CADM2: variants seen among roughly 807,000 people sequenced by gnomAD.
CADM2 encodes the protein cell adhesion molecule 2.
CADM2 carries 12 observed loss-of-function variants against 49.8 expected under a neutral mutation model. The ratio of observed to expected loss-of-function variants is 0.24; its 90% CI spans 0.15 to 0.39. The LOEUF (loss-of-function observed/expected upper bound fraction) is 0.39. Ranked by LOEUF, CADM2 falls within the 10% of genes least tolerant of loss-of-function variation. The pLI is 1.00. For synonymous variants in CADM2, 214 were observed against 175.4 expected, an observed-to-expected ratio of 1.22 and a Z score of -1.74; for missense variants, 378 against 492.3, an observed-to-expected ratio of 0.77 and a Z score of 2.20.
rs574962974 is a variant in CADM2 at position 85,775,395 on chromosome 3, G to A, written c.89-26652G>A. On this transcript the variant is annotated intron_variant, in intron 2 of 9. Coordinates refer to ENST00000383699, the MANE Select transcript of CADM2 (RefSeq NM_001167675.2). ...TGATATCATCAGTTGTATTAATGCAGGAATTAATACTATAATCACTATATT... is the reference window on the plus strand; with the variant it reads ...TGATATCATCAGTTGTATTAATGCAAGAATTAATACTATAATCACTATATT... Among the ~76,000 whole-genome samples, 9 of 151,630 alleles carry A rather than the reference G, an allele frequency of 5.9e-5. No individual in the cohort carries two copies. In the East Asian group the frequency reaches 1.7e-3, roughly 29 times the overall value.
At chr3:85,371,403 G>C (rs2033213820) in intron 1 of CADM2, among the ~76,000 whole-genome samples, 1 of 151,902 alleles carries the variant, frequency 6.6e-6, no homozygotes, top group African/African-American at 2.4e-5. Context: ...ATACCATTGT[G>C]CTGCAACTAC....
intron 1 of CADM2, among the ~76,000 whole-genome samples, chr3:85,564,921 TAAA>T (rs1441432917): frequency 6.6e-6 from 1 of 152,090 alleles, no homozygotes; most frequent in Non-Finnish European, 1.5e-5. Context: ...TGGAAGATTA[TAAA>T]AACTTCAGCA....
chr3:85,329,442 C>A (rs2044850967), intron 1 of CADM2, among the ~76,000 whole-genome samples: 1 of 151,806 alleles, frequency 6.6e-6, no homozygotes, highest in South Asian at 2.1e-4. Flanking sequence ...TGGTGGTGCA[C>A]ACCTGTAATC....
intron 8 of CADM2, among the ~76,000 whole-genome samples, chr3:86,002,822 A>C (rs1017339666): frequency 6.6e-6 from 1 of 152,182 alleles, no homozygotes; most frequent in African/African-American, 2.4e-5. Context: ...AATTTTATGG[A>C]TACCTCGTTC....
intron 1 of CADM2, among the ~76,000 whole-genome samples, chr3:84,965,895 T>C (rs1459237127): frequency 6.6e-6 from 1 of 152,228 alleles, no homozygotes; most frequent in African/African-American, 2.4e-5. Context: ...GAATGTTTCC[T>C]ATCTGCACAA....
intron 2 of CADM2, among the ~76,000 whole-genome samples, chr3:85,788,739 T>A (rs1559657861): frequency 6.6e-6 from 1 of 151,974 alleles, no homozygotes; most frequent in Non-Finnish European, 1.5e-5. Flanking sequence ...AGTCCTAGTA[T>A]CTTCTCAATT....
chr3:85,262,254 G>T lies in CADM2; in HGVS notation c.61+302586G>T, dbSNP rs140792841. On this transcript the variant is annotated intron_variant, in intron 1 of 9. Transcript: ENST00000383699. ...ATTAGGCATTTTAACCCAATTTCAGGATTTTAATTTTATTCATATTACATA... is the reference window on the plus strand; with the variant it reads ...ATTAGGCATTTTAACCCAATTTCAGTATTTTAATTTTATTCATATTACATA... 5.2e-3 allele frequency among the ~76,000 whole-genome samples: 790 copies of T among 152,096 alleles called. 5 individuals carry two copies. The highest frequency in any genetic ancestry group is 8.2e-3 in the Non-Finnish European group (555 of 67,954).
At chr3:85,916,411 A>G (rs2108491597) in intron 6 of CADM2, among the ~76,000 whole-genome samples, 1 of 147,050 alleles carries the variant, frequency 6.8e-6, no homozygotes, top group South Asian at 2.1e-4. Flanking sequence ...TATGAGTGAG[A>G]ACATGCAGTG....
At chr3:85,359,618 T>C (rs1343951980) in intron 1 of CADM2, among the ~76,000 whole-genome samples, 1 of 109,656 alleles carries the variant, frequency 9.1e-6, no homozygotes, top group Non-Finnish European at 1.8e-5. Flanking sequence ...TGATTATTTT[T>C]ATTCCAGGCC....
intron 3 of CADM2, among the ~76,000 whole-genome samples, chr3:85,818,129 G>A (rs1357855483): frequency 6.6e-6 from 1 of 152,036 alleles, no homozygotes; most frequent in African/African-American, 2.4e-5. Context: ...AAGACCCTGT[G>A]TTCTTAGTGC....
At chr3:85,616,702 C>G (rs1157313480) in intron 1 of CADM2, among the ~76,000 whole-genome samples, 1 of 151,960 alleles carries the variant, frequency 6.6e-6, no homozygotes, top group East Asian at 1.9e-4. Context: ...TAAATTATAG[C>G]AAGTTGTGTG....
intron 2 of CADM2, among the ~76,000 whole-genome samples, chr3:85,782,672 A>G (rs2070730813): frequency 6.6e-6 from 1 of 151,878 alleles, no homozygotes; most frequent in African/African-American, 2.4e-5. Flanking sequence ...AAAAAAGAAA[A>G]AAAAAAGAAA....
At chr3:85,986,356 T>A (rs1461322984) in intron 8 of CADM2, among the ~76,000 whole-genome samples, 1 of 152,058 alleles carries the variant, frequency 6.6e-6, no homozygotes, top group Non-Finnish European at 1.5e-5. Flanking sequence ...AATAGAACAT[T>A]TGGAGTAGTA....
chr3:85,023,183 G>T (rs1023269362), intron 1 of CADM2, among the ~76,000 whole-genome samples: 1 of 152,042 alleles, frequency 6.6e-6, no homozygotes, highest in African/African-American at 2.4e-5. Context: ...ACATGCCAAA[G>T]ATTTTACTTA....
At chr3:85,225,857 A>G (rs2042148231) in intron 1 of CADM2, among the ~76,000 whole-genome samples, 2 of 152,118 alleles carry the variant, frequency 1.3e-5, no homozygotes, top group African/African-American at 2.4e-5. Flanking sequence ...TATTGAGTTA[A>G]TCATGTGGTT....
intron 1 of CADM2, among the ~76,000 whole-genome samples, chr3:85,530,914 A>ACACACACAC (rs1559890350): frequency 3.1e-5 from 4 of 127,380 alleles, no homozygotes; most frequent in Non-Finnish European, 6.2e-5. Flanking sequence ...ACACACACAC[A>ACACACACAC]AAATTCATTA....
intron 1 of CADM2, among the ~76,000 whole-genome samples, chr3:85,014,494 G>A (rs957315935): frequency 2.3e-4 from 35 of 152,220 alleles, no homozygotes; most frequent in African/African-American, 7.9e-4. Flanking sequence ...AGTATACATA[G>A]CATTTGGTAC....
intron 1 of CADM2, among the ~76,000 whole-genome samples, chr3:85,329,670 A>C (rs2044859141): frequency 6.6e-6 from 1 of 152,248 alleles, no homozygotes; most frequent in Non-Finnish European, 1.5e-5. Context: ...GTGTGTATAA[A>C]GTAAGTATGT....
chr3:85,115,926 A>G (rs944738745), intron 1 of CADM2, among the ~76,000 whole-genome samples: 3 of 152,190 alleles, frequency 2.0e-5, no homozygotes, highest in African/African-American at 7.2e-5. Flanking sequence ...ATATGGGTGG[A>G]AGCATAAAGG....
Sources: allele counts gnomAD v4.1 joint callset (sites outside exome capture counted in the v4.1 genomes callset), GRCh38; gene constraint gnomAD v4.1.1; transcripts MANE v1.5; gene names NCBI Gene and HGNC (gene_info 2026-07-23, HGNC 2026-07-21).